Variants in FCRL5 observed in about 807,000 individuals in gnomAD.
FCRL5 encodes the protein Fc receptor like 5.
FCRL5 carries 79 observed loss-of-function variants against 92.1 expected under a neutral mutation model. The ratio of observed to expected loss-of-function variants is 0.86; its 90% CI spans 0.72 to 1.03. The LOEUF is 1.03. FCRL5 is among the 50% of genes least tolerant of loss of function. FCRL5 has a pLI of 0.00. For missense variants in FCRL5, 1,160 were observed against 1,181.1 expected (o/e 0.98, Z 0.26); for synonymous variants, 466 against 469.3 (o/e 0.99, Z 0.09).
At chr1:157,529,433 A>C (rs546255904) in intron 8 of FCRL5, among the ~76,000 whole-genome samples, 2 of 152,328 alleles carry the variant, frequency 1.3e-5, no homozygotes, top group East Asian at 3.9e-4. Flanking sequence ...TCATCCAGCA[A>C]TCCCACTACT....
chr1:157,548,470 A>G lies in FCRL5; in HGVS notation c.52+1090T>C, dbSNP rs181143304. 3.3e-5 allele frequency among the ~76,000 whole-genome samples: 5 copies of G among 152,356 alleles called. No individual in the cohort carries two copies. In the East Asian group the frequency reaches 9.6e-4, roughly 29 times the overall value. On this transcript the variant is annotated intron_variant, in intron 2 of 16. Transcript: ENST00000361835. ...AAACTAAAGAACTTCTGCACAGCAA[A>G]AGAAACTACCATCAGAGTGAACAGG...
Position 157,547,072 on chromosome 1 carries a change from G to C in FCRL5, c.178C>G (p.Arg60Gly). 1 of 1,614,150 alleles carries C rather than the reference G, an allele frequency of 6.2e-7. No homozygotes were observed. Among genetic ancestry groups the C allele is most frequent in the South Asian group, 1.1e-5 (1 of 91,082 alleles). ...YSPQKTKWYH[R>G]YLGKEILRET... is the part of the protein sequence containing the mutation. ...CTTAGTATTTCTTTCCCAAGGTACC[G>C]ATGGTACCATTTTGTTTTCTGTGGT... The change falls in exon 3 of 17, where the codon CGG becomes GGG. Residue 60 changes from arginine (R) to glycine (G), a missense_variant. Transcript: ENST00000361835.
At chr1:157,537,361 C>T (rs1651014486) in intron 7 of FCRL5, among the ~76,000 whole-genome samples, 1 of 152,152 alleles carries the variant, frequency 6.6e-6, no homozygotes, top group Admixed American at 6.5e-5. Context: ...AAGCTCTGGT[C>T]TCCTGTAGTG....
intron 3 of FCRL5, 143 bp from the exon 4 acceptor site, chr1:157,545,225 T>C (rs897465836): frequency 3.5e-5 from 37 of 1,053,034 alleles, no homozygotes; most frequent in Non-Finnish European, 4.9e-5. Context: ...TTTTCTGATT[T>C]AAAAATGAAC....
rs1255320883 is a variant in FCRL5, at chr1:157,521,292, A to G, written c.2240T>C (p.Val747Ala). 2 of 1,596,900 alleles carry G rather than the reference A, an allele frequency of 1.3e-6. No homozygotes were observed. The highest frequency in any genetic ancestry group is 2.2e-5 in the East Asian group (1 of 44,720). Residue 747 changes from valine to alanine, a missense_variant and splice_region_variant, in exon 11 of 17, where the codon GTT (valine) becomes GCT (alanine). Coordinates refer to ENST00000361835, the MANE Select transcript of FCRL5 (RefSeq NM_031281.3). ...RSEMVTLKVA[V>A]PVSRPVLTLR... Reference sequence around the variant, plus strand: ...GGTGAGGACCGGGCGAGACACCGGAACTGAAAGAGAACAAAAAGTCAACAG... The same window carrying G: ...GGTGAGGACCGGGCGAGACACCGGAGCTGAAAGAGAACAAAAAGTCAACAG...
At chr1:157,541,125 C>T (rs764845755) in intron 6 of FCRL5, among the ~76,000 whole-genome samples, 1 of 152,188 alleles carries the variant, frequency 6.6e-6, no homozygotes, top group African/African-American at 2.4e-5. Flanking sequence ...AAACCAGCTC[C>T]CTCTCTTCTG....
At chr1:157,545,117 C>G in intron 3 of FCRL5, 35 bp from the exon 4 acceptor site, 1 of 1,581,854 alleles carries the variant, frequency 6.3e-7, no homozygotes, top group African/African-American at 1.4e-5. Context: ...TTGGTTCATC[C>G]TACTGTTTCC....
In FCRL5 at chr1:157,527,622, A is replaced by G; in HGVS notation, c.1955T>C (p.Val652Ala). 1.2e-6 allele frequency: 2 copies of G among 1,603,656 alleles called. No homozygotes were observed. The highest frequency in any genetic ancestry group is 1.7e-6 in the Non-Finnish European group (2 of 1,174,814). ...AQHSDTISLSVIVPVSRPILT... is the reference protein window; with the variant it reads ...AQHSDTISLSAIVPVSRPILT... ...TGCTGGTTAGGTCAACTTACCTATA[A>G]CACTGAGTGATATTGTGTCACTGTG... Residue 652 changes from valine (V) to alanine (A), a missense_variant, in exon 9 of 17, where the codon GTT becomes GCT. Physicochemically the swap from Val to Ala is moderately conservative, Grantham distance 64 (BLOSUM62 0). Coordinates refer to ENST00000361835, the MANE Select transcript of FCRL5 (RefSeq NM_031281.3).
chr1:157,547,148 G>C lies in FCRL5; in HGVS notation c.102C>G (p.Val34=). Reference sequence around the variant, plus strand: ...TGAGGGTCACTCTCTCTCCTTGGAAGACTGTGGTCCATGGAGGCTGGAGGA... The same window carrying C: ...TGAGGGTCACTCTCTCTCCTTGGAACACTGTGGTCCATGGAGGCTGGAGGA... ...IIFLQPPWTT[V]FQGERVTLTC... is the part of the protein sequence containing the mutation. Residue 34 remains valine (V), a synonymous_variant, in exon 3 of 17, where the codon GTC becomes GTG. Transcript: ENST00000361835. The C allele has an allele frequency of 6.2e-7, 1 of 1,614,048 alleles. No individual in the cohort carries two copies. Among genetic ancestry groups the C allele is most frequent in the South Asian group, 1.1e-5 (1 of 91,072 alleles).
intron 5 of FCRL5, among the ~76,000 whole-genome samples, chr1:157,543,608 G>GA (rs1240745073): frequency 1.3e-5 from 2 of 152,170 alleles, no homozygotes; most frequent in Non-Finnish European, 2.9e-5. Context: ...GTCTGGTGAT[G>GA]ATCACATTGC....
At chr1:157,516,220 C>A in intron 15 of FCRL5, 1 of 405,568 alleles carries the variant, frequency 2.5e-6, no homozygotes, top group Non-Finnish European at 4.6e-6. Flanking sequence ...TTTTAGAGAG[C>A]ACACTCCATC....
chr1:157,551,960 A>G (rs1298874685), intron 1 of FCRL5, among the ~76,000 whole-genome samples: 1 of 152,230 alleles, frequency 6.6e-6, no homozygotes, highest in Non-Finnish European at 1.5e-5. Context: ...TTGTCATACA[A>G]GGAATAAATA....
chr1:157,546,507 CT>C (rs1651547233), intron 3 of FCRL5, among the ~76,000 whole-genome samples: 1 of 80,952 alleles, frequency 1.2e-5, no homozygotes, highest in Non-Finnish European at 3.3e-5. Flanking sequence ...AACCAAAAAG[CT>C]ATACATAGAT....
At position 157,547,188 on chromosome 1, in the gene FCRL5, G is replaced by A. The variant is rs1384101990; in HGVS notation, c.62C>T (p.Pro21Leu). 1 of 1,613,686 alleles carries A rather than the reference G, an allele frequency of 6.2e-7. No homozygotes were observed. The highest frequency in any genetic ancestry group is 8.5e-7 in the Non-Finnish European group (1 of 1,179,996). The change falls in exon 3 of 17, where the codon CCC becomes CTC. Residue 21 changes from proline to leucine, a missense_variant. By Grantham distance (98) the Pro-to-Leu change is moderately conservative. Coordinates refer to ENST00000361835, the MANE Select transcript of FCRL5 (RefSeq NM_031281.3). ...AGGCTGGAGGAAAATAATGGGCCTGGGTGTCCTTGCTGAAGAGGAAAGAGA... is the reference window on the plus strand; with the variant it reads ...AGGCTGGAGGAAAATAATGGGCCTGAGTGTCCTTGCTGAAGAGGAAAGAGA... ...APVSGQFART[P>L]RPIIFLQPPW...
At chr1:157,550,856 G>A (rs1651778951) in intron 1 of FCRL5, among the ~76,000 whole-genome samples, 1 of 152,132 alleles carries the variant, frequency 6.6e-6, no homozygotes, top group Non-Finnish European at 1.5e-5. Flanking sequence ...CTGCATATGG[G>A]TTGATTTATT....
At position 157,521,347 on chromosome 1, in the gene FCRL5, A is replaced by G. The variant is rs1345805768; in HGVS notation, c.2240-55T>C. On this transcript the variant is annotated intron_variant, in intron 10 of 16. Coordinates refer to ENST00000361835, the MANE Select transcript of FCRL5 (RefSeq NM_031281.3). ...TTCTGCTTCTAACATATTTGTAAGA[A>G]ACAAAAGGTATCATAAACAAATGTA... 5 of 1,526,232 alleles carry G rather than the reference A, an allele frequency of 3.3e-6. No homozygotes were observed. The African/African-American group carries it at 7.0e-5, about 21-fold the overall frequency. The allele number at this position is 1,526,232 out of a possible 1,614,324, so 94.5% of individuals were successfully genotyped here.
chr1:157,524,117 A>G (rs1007285246), intron 10 of FCRL5, 162 bp downstream of exon 10: 19 of 658,396 alleles, frequency 2.9e-5, no homozygotes, highest in Non-Finnish European at 3.9e-5. Flanking sequence ...CCATACCACA[A>G]AGGATCCGAG....
intron 13 of FCRL5, chr1:157,519,195 T>G: frequency 5.7e-6 from 1 of 175,720 alleles, no homozygotes; most frequent in South Asian, 1.5e-4. Context: ...CATGTTTGGA[T>G]GCTGCTATCG....
intron 1 of FCRL5, among the ~76,000 whole-genome samples, chr1:157,550,687 G>A (rs1305801407): frequency 6.6e-6 from 1 of 152,094 alleles, no homozygotes; most frequent in African/African-American, 2.4e-5. Context: ...GCATATAAAA[G>A]ATATTCCTTT....
Sources: gnomAD v4.1 joint callset for allele counts (sites outside exome capture counted in the v4.1 genomes callset) on GRCh38, gnomAD v4.1.1 for gene constraint, MANE v1.5 for transcripts, NCBI Gene and HGNC (gene_info 2026-07-23, HGNC 2026-07-21) for gene names.